ARHGEF18: variants seen among roughly 807,000 people sequenced by gnomAD.
The protein encoded by ARHGEF18 is rho guanine nucleotide exchange factor 18.
ARHGEF18 carries 93 observed loss-of-function variants against 155.7 expected under a neutral mutation model. That is an observed-to-expected ratio of 0.60 (90% CI 0.50 to 0.71). The LOEUF is 0.71. Among genes scored for constraint, ARHGEF18 ranks in the 30% least tolerant of loss-of-function variants. ARHGEF18 has a pLI of 0.00. For synonymous variants in ARHGEF18, 742 were observed against 753.1 expected (o/e 0.99, Z 0.24); for missense variants, 1,593 against 1,816.1 (o/e 0.88, Z 2.23).
intron 15 of ARHGEF18, among the ~76,000 whole-genome samples, chr19:7,450,694 G>GTT (rs1975355272): frequency 0.02 from 3 of 148 alleles, no homozygotes; most frequent in African/African-American, 0.043. Flanking sequence ...GGATCTTGCT[G>GTT]TCCGTTTCCG....
chr19:7,404,700 A>G (rs1972207358), intron 10 of ARHGEF18, among the ~76,000 whole-genome samples: 1 of 152,036 alleles, frequency 6.6e-6, no homozygotes, highest in South Asian at 2.1e-4. Context: ...TCGTGGAGCT[A>G]ATCCGACCTG....
intron 11 of ARHGEF18, among the ~76,000 whole-genome samples, chr19:7,441,094 G>T (rs1974612587): frequency 6.6e-6 from 1 of 151,516 alleles, no homozygotes; most frequent in Admixed American, 6.6e-5. Context: ...CACCCCGTTA[G>T]AACGTAACTA....
Position 7,372,938 on chromosome 19 carries a change from G to A in ARHGEF18, c.142G>A (p.Glu48Lys), listed in dbSNP as rs746159959. The change falls in exon 3 of 29, where the codon GAG becomes AAG. Residue 48 changes from glutamate to lysine, a missense_variant. Physicochemically the swap from Glu to Lys is moderately conservative, Grantham distance 56. Transcript: ENST00000668164. ...LGAPSHSQPGETPDSRPTGEE... is the reference protein window; with the variant it reads ...LGAPSHSQPGKTPDSRPTGEE... ...GGCCCCTTCCCACAGCCAGCCTGGG[G>A]AGACCCCAGACAGCCGCCCCACCGG... is the stretch of plus-strand genomic sequence containing the variant. 2.1e-4 allele frequency: 255 copies of A among 1,234,640 alleles called. No homozygotes were observed. Among genetic ancestry groups the A allele is most frequent in the Middle Eastern group, 1.9e-3 (9 of 4,838 alleles). The allele number at this position is 1,234,640 out of a possible 1,614,324, so 76.5% of individuals were successfully genotyped here.
At chr19:7,455,604 C>T (rs560332274) in intron 17 of ARHGEF18, among the ~76,000 whole-genome samples, 90 of 152,290 alleles carry the variant, frequency 5.9e-4, no homozygotes, top group African/African-American at 2.0e-3. Context: ...GCAGGGAGAA[C>T]AGAGAGCTCC....
rs139809679 is a variant in ARHGEF18, at chr19:7,355,612, C to T, written c.-111+6371C>T. On this transcript the variant is annotated intron_variant, in intron 1 of 28. Transcript: ENST00000668164. Reference sequence around the variant, plus strand: ...GCCAGCTCACACTCAAGCTCTCACACGCACGCATGGCCCCCATGGCTGACT... The same window carrying T: ...GCCAGCTCACACTCAAGCTCTCACATGCACGCATGGCCCCCATGGCTGACT... 159 of 985,452 alleles carry T rather than the reference C, an allele frequency of 1.6e-4. 1 individual carries two copies. In the East Asian group the frequency reaches 2.0e-3, roughly 13 times the overall value. The allele number at this position is 985,452 out of a possible 1,614,324, so 61.0% of individuals were successfully genotyped here.
chr19:7,411,443 A>AT (rs1375341021), intron 10 of ARHGEF18, among the ~76,000 whole-genome samples: 3 of 151,970 alleles, frequency 2.0e-5, no homozygotes, highest in Non-Finnish European at 2.9e-5. Flanking sequence ...AGTAGATGGG[A>AT]TTACAGGTGC....
chr19:7,364,939 T>C (rs974797635), intron 2 of ARHGEF18, among the ~76,000 whole-genome samples: 4 of 152,186 alleles, frequency 2.6e-5, no homozygotes, highest in Non-Finnish European at 2.9e-5. Context: ...CACCCATTGC[T>C]GATGGGCTGC....
At chr19:7,453,411 C>T (rs1397748528) in intron 16 of ARHGEF18, 56 bp from the exon 17 acceptor site, 1 of 1,533,406 alleles carries the variant, frequency 6.5e-7, no homozygotes, top group South Asian at 1.3e-5. Context: ...TGAGTGTGTC[C>T]ACTTCTGTTG....
intron 10 of ARHGEF18, among the ~76,000 whole-genome samples, chr19:7,433,312 C>G (rs994551111): frequency 3.0e-4 from 45 of 151,596 alleles, no homozygotes; most frequent in Non-Finnish European, 6.0e-4. Context: ...ACTAAAAATA[C>G]AAAAATTAGC....
chr19:7,361,826 CTA>C (rs1969560519), intron 1 of ARHGEF18, among the ~76,000 whole-genome samples: 1 of 151,760 alleles, frequency 6.6e-6, no homozygotes, highest in East Asian at 1.9e-4. Flanking sequence ...AACCCCAACT[CTA>C]TTAATCACAC....
intron 19 of ARHGEF18, among the ~76,000 whole-genome samples, chr19:7,459,237 T>G (rs1210703590): frequency 5.9e-5 from 9 of 151,690 alleles, no homozygotes; most frequent in African/African-American, 2.2e-4. Context: ...GTTTTGTTTT[T>G]TAGAGTCTGG....
intron 17 of ARHGEF18, among the ~76,000 whole-genome samples, chr19:7,454,040 T>C (rs1198693240): frequency 1.3e-5 from 2 of 151,316 alleles, no homozygotes; most frequent in Non-Finnish European, 2.9e-5. Flanking sequence ...CTTAGAGTGA[T>C]GGGTGCCATC....
chr19:7,376,634 C>T lies in ARHGEF18; in HGVS notation c.427-9C>T. On this transcript the variant is annotated splice_polypyrimidine_tract_variant and intron_variant, in intron 4 of 28. Coordinates refer to ENST00000668164, the MANE Select transcript of ARHGEF18 (RefSeq NM_001367823.1). ...TTCCCAGCTTAGTGAGATGTTTAAT[C>T]CCCTGCAGGAATGTGACAGCCCCAA... The T allele has an allele frequency of 8.1e-7, 1 of 1,233,122 alleles. No individual in the cohort carries two copies. 76.4% of individuals were successfully genotyped at this position (1,233,122 alleles called of 1,614,324 possible). A position where few individuals can be genotyped will look rare whatever the true frequency, so the allele number is the denominator to read the frequency against.
intron 20 of ARHGEF18, among the ~76,000 whole-genome samples, chr19:7,460,881 C>G (rs111335193): frequency 0.023 from 3,546 of 151,674 alleles, 78 homozygotes; most frequent in South Asian, 0.073. Context: ...CTCTGCCTAT[C>G]AGGTCCAAGA....
At chr19:7,435,653 G>A (rs1043029400) in intron 10 of ARHGEF18, among the ~76,000 whole-genome samples, 1 of 152,038 alleles carries the variant, frequency 6.6e-6, no homozygotes, top group African/African-American at 2.4e-5. Context: ...GCCTGGGAGG[G>A]GCTGTGCATC....
chr19:7,425,314 G>A (rs933751197), intron 10 of ARHGEF18, among the ~76,000 whole-genome samples: 6 of 152,054 alleles, frequency 3.9e-5, no homozygotes, highest in East Asian at 1.9e-4. Flanking sequence ...AGAGAAATGC[G>A]TTCTACATCA....
chr19:7,435,705 C>T (rs575950036), intron 10 of ARHGEF18, among the ~76,000 whole-genome samples: 36 of 152,240 alleles, frequency 2.4e-4, no homozygotes, highest in African/African-American at 7.5e-4. Flanking sequence ...ATCACAAATC[C>T]GGAATAAAAG....
intron 10 of ARHGEF18, chr19:7,439,602 T>G: frequency 1.0e-6 from 1 of 954,020 alleles, no homozygotes; most frequent in Non-Finnish European, 1.3e-6. Flanking sequence ...TGGGTTGGTT[T>G]ATAATCACCA....
At chr19:7,473,742 G>A (rs745430591), downstream of ARHGEF18, among the ~76,000 whole-genome samples, 10 of 150,980 alleles carry the variant, frequency 6.6e-5, no homozygotes, top group Admixed American at 2.0e-4. Flanking sequence ...CCCAGGAGGC[G>A]GAGCTTGCGG....
Sources: gnomAD v4.1 joint callset for allele counts (sites outside exome capture counted in the v4.1 genomes callset) on GRCh38, gnomAD v4.1.1 for gene constraint, MANE v1.5 for transcripts, NCBI Gene and HGNC (gene_info 2026-07-23, HGNC 2026-07-21) for gene names.